The following KLK1 variants were observed in gnomAD, a reference collection of about 807,000 sequenced individuals.
KLK1 encodes kallikrein-1.
A neutral mutation model predicts 23.3 loss-of-function variants in KLK1; 22 were observed. The observed-to-expected ratio is 0.95, with a 90% CI of 0.68 to 1.35. The LOEUF (loss-of-function observed/expected upper bound fraction) is 1.35, where lower values mean the gene tolerates loss of function less well. Among genes scored for constraint, KLK1 ranks in the 40% most tolerant of loss-of-function variants. The probability of loss-of-function intolerance (pLI) is 0.00; values close to 1 mark genes in which losing one functional copy is unlikely to be tolerated. For synonymous variants in KLK1, 140 were observed against 135.8 expected (o/e 1.03, Z -0.21); for missense variants, 301 against 338.9 (o/e 0.89, Z 0.88).
Position 50,819,179 on chromosome 19 carries a change from G to A in KLK1, c.*15C>T, listed in dbSNP as rs774974217. 1 of 1,603,734 alleles carries A rather than the reference G, an allele frequency of 6.2e-7. No individual in the cohort carries two copies. The highest frequency in any genetic ancestry group is 1.1e-5 in the South Asian group (1 of 90,228). On this transcript the variant is annotated 3_prime_UTR_variant, in exon 5 of 5. Transcript: ENST00000301420. ...ACATTTGATTTTACTGGGGGTAGGGGACAGGGCTGGGCGTTCAGGAGTTCT... is the reference window on the plus strand; with the variant it reads ...ACATTTGATTTTACTGGGGGTAGGGAACAGGGCTGGGCGTTCAGGAGTTCT...
chr19:50,819,393 G>T, intron 4 of KLK1, 44 bp from the exon 5 acceptor site: 1 of 1,559,540 alleles, frequency 6.4e-7, no homozygotes, highest in Non-Finnish European at 8.7e-7. Context: ...AGGTCTACGG[G>T]GCCCAAGTTC....
intron 2 of KLK1, 53 bp from the exon 3 acceptor site, chr19:50,820,496 T>TGGGTAAAGGGGGTG: frequency 4.8e-6 from 1 of 207,674 alleles, no homozygotes; most frequent in Non-Finnish European, 8.9e-6. Context: ...GAAAAGGGGA[T>TGGGTAAAGGGGGTG]GGGGCAGGGG....
At chr19:50,822,479 CAGTT>C (rs2089834224) in intron 1 of KLK1, 4 of 985,130 alleles carry the variant, frequency 4.1e-6, no homozygotes, top group African/African-American at 1.8e-5. Flanking sequence ...TTGGCTGGGA[CAGTT>C]AGATTTCAGG....
chr19:50,822,074 T>C, intron 1 of KLK1: 1 of 1,350,938 alleles, frequency 7.4e-7, no homozygotes, highest in Non-Finnish European at 9.5e-7. Context: ...TGGCTGGACC[T>C]GGTGGGGAGA....
In KLK1 at chr19:50,823,709, C is replaced by A; in HGVS notation, c.40G>T (p.Gly14Trp). ...LVLCLALSLG[G>W]TGAAPPIQSR... ...CATCCCCCCACTGTCTCACCAGTCCCCCCCAGGGACAGGGCGAGGCACAGA... is the reference window on the plus strand; with the variant it reads ...CATCCCCCCACTGTCTCACCAGTCCACCCCAGGGACAGGGCGAGGCACAGA... The change falls in exon 1 of 5, where the codon GGG becomes TGG. Residue 14 changes from glycine (G) to tryptophan (W), a missense_variant. Physicochemically the swap from Gly to Trp is radical, Grantham distance 184. Transcript: ENST00000301420. 6.2e-7 allele frequency: 1 copy of A among 1,607,208 alleles called. No individual in the cohort carries two copies. Among genetic ancestry groups the A allele is most frequent in the South Asian group, 1.1e-5 (1 of 90,682 alleles).
At chr19:50,820,511 T>TGTTG in intron 2 of KLK1, 68 bp from the exon 3 acceptor site, 13 of 135,854 alleles carry the variant, frequency 9.6e-5, no homozygotes, top group East Asian at 2.3e-4. Context: ...CAGGGGAGCA[T>TGTTG]GGGGGAGGGT....
chr19:50,819,458 A>G, intron 4 of KLK1, 109 bp from the exon 5 acceptor site: 1 of 1,111,348 alleles, frequency 9.0e-7, no homozygotes, highest in Non-Finnish European at 1.3e-6. Context: ...TCCCAGAGGA[A>G]GGTGGGCAGG....
chr19:50,823,612 T>C (rs1385033162), intron 1 of KLK1, 91 bp downstream of exon 1: 2 of 754,772 alleles, frequency 2.6e-6, no homozygotes, highest in East Asian at 5.4e-5. Flanking sequence ...GAGGGTGGGG[T>C]GTTGGAGGGG....
In KLK1 at chr19:50,820,484, G is replaced by A. The variant is rs773028273; in HGVS notation, c.207-41C>T. 1.2e-5 allele frequency: 16 copies of A among 1,291,012 alleles called. No homozygotes were observed. The African/African-American group carries it at 2.4e-4, about 19-fold the overall frequency. 80.0% of individuals were successfully genotyped at this position (1,291,012 alleles called of 1,614,324 possible). On this transcript the variant is annotated intron_variant, in intron 2 of 4. Transcript: ENST00000301420. The stretch of plus-strand genomic sequence containing the variant: ...AATGGAGGGATGAGAAGACGGGAAG[G>A]GGAAAAGGGGATGGGGCAGGGGAGC...
chr19:50,822,258 C>T, intron 1 of KLK1: 7 of 1,006,642 alleles, frequency 7.0e-6, no homozygotes, highest in Non-Finnish European at 8.3e-6. Context: ...ATCAAGGCGC[C>T]AAGGGTGGGA....
chr19:50,822,520 G>A, intron 1 of KLK1: 2 of 985,392 alleles, frequency 2.0e-6, no homozygotes, highest in Non-Finnish European at 2.4e-6. Flanking sequence ...GTAAAAGAAA[G>A]GGCTATGGTT....
In KLK1 at chr19:50,820,304, C is replaced by A; in HGVS notation, c.346G>T (p.Asp116Tyr). The A allele has an allele frequency of 6.2e-7, 1 of 1,614,006 alleles. No homozygotes were observed. Among genetic ancestry groups the A allele is most frequent in the South Asian group, 1.1e-5 (1 of 91,058 alleles). The change falls in exon 3 of 5, where the codon GAC (aspartate) becomes TAC (tyrosine). Residue 116 changes from aspartate (D) to tyrosine (Y), a missense_variant. Physicochemically the swap from Asp to Tyr is radical, Grantham distance 160. Coordinates refer to ENST00000301420, the MANE Select transcript of KLK1 (RefSeq NM_002257.4). ...LENHTRQADE[D>Y]YSHDLMLLRL... The stretch of plus-strand genomic sequence containing the variant: ...AGCAGCATGAGGTCGTGGCTGTAGT[C>A]CTCGTCTGCTTGGCGGGTGTGGTTC...
chr19:50,821,959 G>A lies in KLK1; in HGVS notation c.47-88C>T, dbSNP rs768966842. 4.0e-4 allele frequency: 605 copies of A among 1,507,778 alleles called. 1 individual carries two copies. Among genetic ancestry groups the A allele is most frequent in the Non-Finnish European group, 5.2e-4 (590 of 1,128,908 alleles). The allele number at this position is 1,507,778 out of a possible 1,614,324, so 93.4% of individuals were successfully genotyped here. ...GGAGAGGGAGCTGGGCTGTGGGTCT[G>A]AAGGGACATTGCGGGTAGAGGACCA... On this transcript the variant is annotated intron_variant, in intron 1 of 4. Coordinates refer to ENST00000301420, the MANE Select transcript of KLK1 (RefSeq NM_002257.4). The surrounding 1 kb of genome is among the most constrained non-coding windows in gnomAD (Gnocchi z 5.6).
In KLK1 at chr19:50,823,633, C is replaced by T. The variant is rs1003540862; in HGVS notation, c.46+70G>A. 2.5e-4 allele frequency: 254 copies of T among 999,158 alleles called. 2 individuals carry two copies. The South Asian group carries it at 2.6e-3, about 10-fold the overall frequency. 61.9% of individuals were successfully genotyped at this position (999,158 alleles called of 1,614,324 possible). Reference sequence around the variant, plus strand: ...GGGGTGTTGGAGGGGAAGGTCTTATCGGGGGGGGATGTGAGGCCAGCAAGA... The same window carrying T: ...GGGGTGTTGGAGGGGAAGGTCTTATTGGGGGGGGATGTGAGGCCAGCAAGA... On this transcript the variant is annotated intron_variant, in intron 1 of 4. Coordinates refer to ENST00000301420, the MANE Select transcript of KLK1 (RefSeq NM_002257.4).
chr19:50,820,495 A>ATGGGGAAATGGGTT, intron 2 of KLK1, 52 bp from the exon 3 acceptor site: 1 of 308,340 alleles, frequency 3.2e-6, no homozygotes. Flanking sequence ...GGAAAAGGGG[A>ATGGGGAAATGGGTT]TGGGGCAGGG....
chr19:50,820,592 A>G, intron 2 of KLK1, 149 bp from the exon 3 acceptor site: 1 of 611,042 alleles, frequency 1.6e-6, no homozygotes, highest in South Asian at 2.1e-5. Context: ...ATAGTTATGG[A>G]GAAATACAGA....
chr19:50,821,847 CG>C lies in KLK1; in HGVS notation c.70del (p.Arg24GlyfsTer80), dbSNP rs1215964633. The C allele has an allele frequency of 1.9e-6, 3 of 1,612,344 alleles. No homozygotes were observed. Among genetic ancestry groups the C allele is most frequent in the Non-Finnish European group, 8.5e-7 (1 of 1,179,030 alleles). On this transcript the variant is annotated frameshift_variant, in exon 2 of 5. Transcript: ENST00000301420. LOFTEE classifies it high-confidence loss of function. This position sits in a 1 kb window ranked among gnomAD's most constrained non-coding sequence, Gnocchi z 5.6. ...GTGAAPPIQS[R>X]IVGGWECEQH... ...CTCACACTCCCAGCCTCCCACAATC[CG>C]GGACTGAATCGGGGGCGCAGCACCT...
rs1568480556 is a variant in KLK1 at position 50,821,812 on chromosome 19, GGGAATGCT to G, written c.98_105del (p.Gln33ProfsTer47). On this transcript the variant is annotated frameshift_variant, in exon 2 of 5. Transcript: ENST00000301420. LOFTEE classifies it high-confidence loss of function. This position sits in a 1 kb window ranked among gnomAD's most constrained non-coding sequence, Gnocchi z 5.6. Reference sequence around the variant, plus strand: ...TGGTACAGAGCCGCCTGCCAGGGCTGGGAATGCTGCTCACACTCCCAGCCTCCCACAAT... The same window carrying G: ...TGGTACAGAGCCGCCTGCCAGGGCTGGCTCACACTCCCAGCCTCCCACAAT... The G allele has an allele frequency of 1.2e-6, 2 of 1,613,888 alleles. No individual in the cohort carries two copies. The highest frequency in any genetic ancestry group is 3.3e-5 in the Admixed American group (2 of 60,018).
Position 50,819,160 on chromosome 19 carries a change from G to T in KLK1, c.*34C>A. 2 of 1,578,892 alleles carry T rather than the reference G, an allele frequency of 1.3e-6. No homozygotes were observed. Among genetic ancestry groups the T allele is most frequent in the South Asian group, 1.1e-5 (1 of 88,036 alleles). On this transcript the variant is annotated 3_prime_UTR_variant, in exon 5 of 5. Coordinates refer to ENST00000301420, the MANE Select transcript of KLK1 (RefSeq NM_002257.4). ...CGTGACACACATTGGATGCACATTT[G>T]ATTTTACTGGGGGTAGGGGACAGGG...
Sources: allele counts gnomAD v4.1 joint callset, GRCh38; gene constraint gnomAD v4.1.1; non-coding constraint Gnocchi (gnomAD v3.1); transcripts MANE v1.5; gene names NCBI Gene and HGNC (gene_info 2026-07-23, HGNC 2026-07-21).